MSANTD3: variants seen among roughly 807,000 people sequenced by gnomAD.
MSANTD3 encodes the protein myb/SANT-like DNA-binding domain-containing protein 3.
A neutral mutation model predicts 27.7 loss-of-function variants in MSANTD3; 11 were observed. The observed-to-expected ratio is 0.40, with a 90% CI of 0.25 to 0.66. The LOEUF is 0.66. MSANTD3 is among the 30% of genes least tolerant of loss of function. MSANTD3 has a pLI of 0.41. For synonymous variants in MSANTD3, 131 were observed against 127.2 expected (o/e 1.03, Z -0.20); for missense variants, 250 against 336.5 (o/e 0.74, Z 2.01).
chr9:100,431,749 A>T (rs1031739630), intron 1 of MSANTD3, among the ~76,000 whole-genome samples: 2 of 152,170 alleles, frequency 1.3e-5, no homozygotes, highest in African/African-American at 4.8e-5. Flanking sequence ...GTGCAGAGTA[A>T]TTCTGAGTGC....
At chr9:100,441,851 A>T in intron 1 of MSANTD3, 55 bp from the exon 2 acceptor site, 1 of 1,504,144 alleles carries the variant, frequency 6.6e-7, no homozygotes, top group Non-Finnish European at 8.9e-7. Flanking sequence ...TCAGTGATTT[A>T]TAGGCATTGT....
chr9:100,448,852 T>A (rs1340311375), intron 2 of MSANTD3: 10 of 985,078 alleles, frequency 1.0e-5, no homozygotes, highest in Non-Finnish European at 1.2e-5. Flanking sequence ...TCTTTTTTTT[T>A]AAACTTCTCT....
At chr9:100,443,558 A>G (rs999647702) in intron 2 of MSANTD3, among the ~76,000 whole-genome samples, 2 of 152,194 alleles carry the variant, frequency 1.3e-5, no homozygotes, top group Non-Finnish European at 2.9e-5. Flanking sequence ...GGGATCTTGA[A>G]AAGCTCCAAA....
intron 1 of MSANTD3, among the ~76,000 whole-genome samples, chr9:100,428,096 C>T (rs1836285666): frequency 2.0e-5 from 3 of 152,170 alleles, no homozygotes; most frequent in African/African-American, 7.2e-5. Flanking sequence ...ATCACCCTGG[C>T]GCTGTGAGGT....
In MSANTD3 at chr9:100,450,675, C is replaced by A. The variant is rs1311799984; in HGVS notation, c.537C>A (p.Ala179=). The change falls in exon 3 of 3, where the codon GCC becomes GCA. Residue 179 remains alanine (A), a synonymous_variant. Coordinates refer to ENST00000395067, the MANE Select transcript of MSANTD3 (RefSeq NM_080655.3). The part of the protein sequence containing the change: ...EPSCSAVRIT[A]NKNYRSKTSQ... ...CGTGTTCAGCTGTCAGAATAACAGC[C>A]AATAAAAACTACAGGAGCAAAACCT... The A allele has an allele frequency of 6.2e-7, 1 of 1,613,834 alleles. No homozygotes were observed. The highest frequency in any genetic ancestry group is 1.3e-5 in the African/African-American group (1 of 74,836).
intron 2 of MSANTD3, chr9:100,445,136 C>CT: frequency 2.1e-6 from 3 of 1,409,998 alleles, no homozygotes; most frequent in Non-Finnish European, 3.0e-6. Context: ...AGTAAAACAA[C>CT]TTTGAGTTCA....
chr9:100,445,641 A>G (rs1836735873), intron 2 of MSANTD3, among the ~76,000 whole-genome samples: 1 of 152,164 alleles, frequency 6.6e-6, no homozygotes, highest in Admixed American at 6.5e-5. Context: ...ATACTGTTCC[A>G]ACACCTTACA....
intron 2 of MSANTD3, among the ~76,000 whole-genome samples, chr9:100,443,672 A>T (rs1361696068): frequency 6.6e-6 from 1 of 152,250 alleles, no homozygotes; most frequent in East Asian, 1.9e-4. Flanking sequence ...GGATGCAATG[A>T]TAGTGTGTCA....
chr9:100,440,931 C>CT (rs754540059), intron 1 of MSANTD3, among the ~76,000 whole-genome samples: 1,595 of 98,350 alleles, frequency 0.016, 98 homozygotes, highest in African/African-American at 0.035. Context: ...GGCTGTACAT[C>CT]TTTTTTTTTT....
At position 100,451,573 on chromosome 9, in the gene MSANTD3, C is replaced by T. The variant is rs1156413309; in HGVS notation, c.*607C>T. On this transcript the variant is annotated 3_prime_UTR_variant, in exon 3 of 3. Transcript: ENST00000395067. The stretch of plus-strand genomic sequence containing the variant: ...GGTATTTTCTAATGTGGCTCATAAA[C>T]CACCTTTTAAGGCCTTTCCTCAAAC... 1 of 151,812 alleles carries T rather than the reference C, an allele frequency of 6.6e-6. No individual in the cohort carries two copies. 9.4% of individuals were successfully genotyped at this position (151,812 alleles called of 1,614,324 possible).
At chr9:100,428,609 G>T (rs1399351114) in intron 1 of MSANTD3, among the ~76,000 whole-genome samples, 1 of 152,146 alleles carries the variant, frequency 6.6e-6, no homozygotes. Flanking sequence ...GGGGCAGGGG[G>T]TGGGGAGGGA....
chr9:100,445,186 A>T (rs1836724281), intron 2 of MSANTD3: 1 of 1,609,816 alleles, frequency 6.2e-7, no homozygotes, highest in Admixed American at 1.7e-5. Flanking sequence ...TCAAGAAAGA[A>T]AAAGAAGCCT....
intron 1 of MSANTD3, among the ~76,000 whole-genome samples, chr9:100,440,780 CTTTTTTTTT>C (rs529362356): frequency 5.8e-5 from 5 of 85,702 alleles, no homozygotes; most frequent in South Asian, 5.3e-4. Flanking sequence ...TTTTTCTTCC[CTTTTTTTTT>C]TTTTTTTTTT....
intron 1 of MSANTD3, among the ~76,000 whole-genome samples, chr9:100,430,224 A>T (rs1399384102): frequency 6.6e-6 from 1 of 151,928 alleles, no homozygotes; most frequent in African/African-American, 2.4e-5. Context: ...AGGAAGGCTT[A>T]ACAAAAATTG....
intron 2 of MSANTD3, chr9:100,448,830 C>A (rs753913462): frequency 1.0e-6 from 1 of 985,062 alleles, no homozygotes; most frequent in African/African-American, 1.7e-5. Flanking sequence ...TGGATGGCAC[C>A]GAAGTACTTT....
At position 100,448,491 on chromosome 9, in the gene MSANTD3, G is replaced by C. The variant is rs79477691; in HGVS notation, c.419-2066G>C. The C allele has an allele frequency of 1.5e-3, 1,487 of 985,392 alleles. 20 individuals carry two copies. In the African/African-American group the frequency reaches 0.025, roughly 16 times the overall value. 61.0% of individuals were successfully genotyped at this position (985,392 alleles called of 1,614,324 possible). On this transcript the variant is annotated intron_variant, in intron 2 of 2. Coordinates refer to ENST00000395067, the MANE Select transcript of MSANTD3 (RefSeq NM_080655.3). The stretch of plus-strand genomic sequence containing the variant: ...TAACCCTCTCCCATTCCTTTGTCCT[G>C]TGCCTTGGTTACCCACACAGAGCAC...
chr9:100,449,602 G>GA (rs909331570), intron 2 of MSANTD3, among the ~76,000 whole-genome samples: 41 of 151,954 alleles, frequency 2.7e-4, no homozygotes, highest in Non-Finnish European at 5.9e-4. Flanking sequence ...ACAGAATTAT[G>GA]AAAAAAAGCA....
intron 1 of MSANTD3, among the ~76,000 whole-genome samples, chr9:100,438,390 T>G (rs1836525770): frequency 6.6e-6 from 1 of 152,188 alleles, no homozygotes; most frequent in African/African-American, 2.4e-5. Context: ...GAATTTATCT[T>G]GAAGAACTAA....
intron 2 of MSANTD3, chr9:100,449,256 A>G: frequency 1.0e-6 from 1 of 985,422 alleles, no homozygotes; most frequent in Non-Finnish European, 1.2e-6. Flanking sequence ...AGCAGGGCAA[A>G]CATAGCACCT....
Sources: allele counts gnomAD v4.1 joint callset (sites outside exome capture counted in the v4.1 genomes callset), GRCh38; gene constraint gnomAD v4.1.1; transcripts MANE v1.5; gene names NCBI Gene and HGNC (gene_info 2026-07-23, HGNC 2026-07-21).